ANKS1B: variants seen among roughly 807,000 people sequenced by gnomAD.
ANKS1B encodes the protein ankyrin repeat and sterile alpha motif domain containing 1B, also known as ankyrin repeat and sterile alpha motif domain-containing protein 1B.
A neutral mutation model predicts 148.3 loss-of-function variants in ANKS1B; 36 were observed. The observed-to-expected ratio is 0.24, with a 90% confidence interval of 0.19 to 0.32. The LOEUF (loss-of-function observed/expected upper bound fraction) is 0.32, where lower values mean the gene tolerates loss of function less well. Ranked by LOEUF, ANKS1B falls within the 10% of genes least tolerant of loss-of-function variation. ANKS1B has a pLI of 1.00. For missense variants in ANKS1B, 1,157 were observed against 1,542.6 expected (o/e 0.75, Z 4.19); for synonymous variants, 542 against 560.8 (o/e 0.97, Z 0.47).
chr12:98,993,324 T>C lies in ANKS1B; in HGVS notation c.2778+59833A>G, dbSNP rs554634498. Among the ~76,000 whole-genome samples the C allele has an allele frequency of 2.0e-5, 3 of 152,284 alleles. No individual in the cohort carries two copies. In the East Asian group the frequency reaches 5.8e-4, roughly 29 times the overall value. On this transcript the variant is annotated intron_variant, in intron 17 of 26. Coordinates refer to ENST00000683438, the MANE Select transcript of ANKS1B (RefSeq NM_001352186.2). ...CTGGTATTACAGCTGCACGCCACCA[T>C]GCCTGGCTAATTTTTTGTATTTTTA...
intron 8 of ANKS1B, among the ~76,000 whole-genome samples, chr12:99,762,240 A>C (rs978999606): frequency 6.6e-6 from 1 of 151,998 alleles, no homozygotes; most frequent in Non-Finnish European, 1.5e-5. Context: ...GAATAGCCAA[A>C]GTAATCCTAA....
intron 15 of ANKS1B, among the ~76,000 whole-genome samples, chr12:99,098,086 G>A (rs1371112636): frequency 6.6e-6 from 1 of 152,138 alleles, no homozygotes; most frequent in Non-Finnish European, 1.5e-5. Context: ...GCCAGACACT[G>A]TGCTTTTATC....
chr12:99,200,780 A>G (rs1734510017), intron 14 of ANKS1B, among the ~76,000 whole-genome samples: 1 of 152,214 alleles, frequency 6.6e-6, no homozygotes, highest in African/African-American at 2.4e-5. Context: ...AGAAATAGGT[A>G]AGAAATCTAA....
intron 15 of ANKS1B, among the ~76,000 whole-genome samples, chr12:99,101,953 T>C (rs2058047627): frequency 6.6e-6 from 1 of 151,972 alleles, no homozygotes; most frequent in South Asian, 2.1e-4. Context: ...GGCTGAAGTT[T>C]GGGGAGAGGT....
At chr12:99,491,745 G>C (rs570048096) in intron 10 of ANKS1B, among the ~76,000 whole-genome samples, 5 of 152,162 alleles carry the variant, frequency 3.3e-5, no homozygotes, top group Admixed American at 6.5e-5. Flanking sequence ...TAGCTCCAAG[G>C]CTCAAAAAAT....
intron 20 of ANKS1B, among the ~76,000 whole-genome samples, chr12:98,806,465 T>C (rs1217793676): frequency 6.6e-6 from 1 of 152,202 alleles, no homozygotes; most frequent in Non-Finnish European, 1.5e-5. Flanking sequence ...ACTAAAATGA[T>C]TTTAAAGGAC....
chr12:99,053,868 T>A (rs2099967819), intron 16 of ANKS1B, among the ~76,000 whole-genome samples: 1 of 152,218 alleles, frequency 6.6e-6, no homozygotes. Context: ...GACCATGTGT[T>A]CTGCATCGAC....
intron 12 of ANKS1B, among the ~76,000 whole-genome samples, chr12:99,356,749 A>G (rs1184975866): frequency 6.6e-6 from 1 of 152,164 alleles, no homozygotes; most frequent in Non-Finnish European, 1.5e-5. Context: ...AATGCTATTA[A>G]TATTTAAACA....
chr12:99,128,721 C>T (rs2065164000), intron 15 of ANKS1B, among the ~76,000 whole-genome samples: 1 of 152,154 alleles, frequency 6.6e-6, no homozygotes, highest in African/African-American at 2.4e-5. Flanking sequence ...ATTTTCCAGT[C>T]TGTTGAGTAG....
chr12:98,937,135 C>G (rs935112119), intron 17 of ANKS1B, among the ~76,000 whole-genome samples: 2 of 152,186 alleles, frequency 1.3e-5, no homozygotes, highest in Non-Finnish European at 2.9e-5. Context: ...CAGGGATGAG[C>G]AGGATGGTTC....
At chr12:99,304,132 T>G (rs945538113) in intron 12 of ANKS1B, among the ~76,000 whole-genome samples, 1 of 152,154 alleles carries the variant, frequency 6.6e-6, no homozygotes, top group Non-Finnish European at 1.5e-5. Context: ...AGATACCCAG[T>G]AGTGGGATTG....
chr12:99,479,288 CTTTGAAATATA>C (rs2096373380), intron 10 of ANKS1B, among the ~76,000 whole-genome samples: 3 of 152,026 alleles, frequency 2.0e-5, no homozygotes, highest in Non-Finnish European at 4.4e-5. Flanking sequence ...ATTAAGTTGA[CTTTGAAATATA>C]ACCATTTCAA....
At position 98,749,607 on chromosome 12, in the gene ANKS1B, C is replaced by A. The variant is rs1005222288; in HGVS notation, c.3747+1748G>T. On this transcript the variant is annotated intron_variant, in intron 26 of 26. Transcript: ENST00000683438. ...AAGATGAAGTCAGCCATGCAGAAACCGGGGGAGGATATTCCAGGTGTGGGG... is the reference window on the plus strand; with the variant it reads ...AAGATGAAGTCAGCCATGCAGAAACAGGGGGAGGATATTCCAGGTGTGGGG... 2.0e-5 allele frequency among the ~76,000 whole-genome samples: 3 copies of A among 152,000 alleles called. No homozygotes were observed. In the East Asian group the frequency reaches 5.8e-4, roughly 29 times the overall value.
chr12:98,858,381 T>C lies in ANKS1B; in HGVS notation c.2779-26245A>G, dbSNP rs2099582449. ...AATTTTGAGACAGTGTCTTGCTCTG[T>C]CAGCCAGGCTTCAGCGAAGTGCTGA... On this transcript the variant is annotated intron_variant, in intron 17 of 26. Transcript: ENST00000683438. 2.0e-5 allele frequency among the ~76,000 whole-genome samples: 3 copies of C among 152,374 alleles called. No homozygotes were observed. The South Asian group carries it at 6.2e-4, about 32-fold the overall frequency.
At chr12:99,494,592 G>C (rs1313000984) in intron 10 of ANKS1B, among the ~76,000 whole-genome samples, 2 of 151,812 alleles carry the variant, frequency 1.3e-5, no homozygotes, top group Non-Finnish European at 2.9e-5. Context: ...AATTAGCCGG[G>C]CGTGGTGGCG....
At chr12:99,640,554 T>C (rs2098292621) in intron 9 of ANKS1B, among the ~76,000 whole-genome samples, 1 of 152,176 alleles carries the variant, frequency 6.6e-6, no homozygotes, top group South Asian at 2.1e-4. Context: ...CCTTCTGCCT[T>C]GGGATGATGT....
intron 8 of ANKS1B, among the ~76,000 whole-genome samples, chr12:99,737,967 A>G (rs2059768788): frequency 1.3e-5 from 2 of 152,164 alleles, no homozygotes; most frequent in Admixed American, 1.3e-4. Flanking sequence ...AGTATTGTCA[A>G]TAATTACAGC....
intron 1 of ANKS1B, among the ~76,000 whole-genome samples, chr12:99,882,754 C>G (rs2092601543): frequency 6.6e-6 from 1 of 152,100 alleles, no homozygotes; most frequent in African/African-American, 2.4e-5. Context: ...AAGAACTTAT[C>G]CATGTAATCA....
intron 1 of ANKS1B, among the ~76,000 whole-genome samples, chr12:99,958,785 CAGA>C (rs778486616): frequency 1.3e-5 from 2 of 152,108 alleles, no homozygotes; most frequent in Non-Finnish European, 2.9e-5. Context: ...ACTGAGTGGA[CAGA>C]AGTAGTAAGG....
Sources: allele counts gnomAD v4.1 joint callset (sites outside exome capture counted in the v4.1 genomes callset), GRCh38; gene constraint gnomAD v4.1.1; transcripts MANE v1.5; gene names NCBI Gene and HGNC (gene_info 2026-07-23, HGNC 2026-07-21).